ZNF385D: variants seen among roughly 807,000 people sequenced by gnomAD.
The protein encoded by ZNF385D is zinc finger protein 659.
A neutral mutation model predicts 35.8 loss-of-function variants in ZNF385D; 15 were observed. The ratio of observed to expected loss-of-function variants is 0.42; its 90% CI spans 0.28 to 0.64. The LOEUF is 0.64. Ranked by LOEUF, ZNF385D falls within the 30% of genes least tolerant of loss-of-function variation. ZNF385D has a pLI of 0.23. For synonymous variants in ZNF385D, 212 were observed against 186.8 expected (o/e 1.13, Z -1.10); for missense variants, 474 against 494.6 (o/e 0.96, Z 0.39).
chr3:21,616,896 T>A lies in ZNF385D; in HGVS notation c.165+47990A>T, dbSNP rs557760123. Among the ~76,000 whole-genome samples, 125 of 152,336 alleles carry A rather than the reference T, an allele frequency of 8.2e-4. No individual in the cohort carries two copies. In the South Asian group the frequency reaches 0.025, roughly 31 times the overall value. On this transcript the variant is annotated intron_variant, in intron 2 of 7. Transcript: ENST00000281523. ...ATTGTCATCACTTATGAAAATGCAATAGAGTTCTTTATAGCTGCAAATACC... is the reference window on the plus strand; with the variant it reads ...ATTGTCATCACTTATGAAAATGCAAAAGAGTTCTTTATAGCTGCAAATACC...
chr3:22,238,333 G>A (rs1239578590), intron 2 of ZNF385D, among the ~76,000 whole-genome samples: 2 of 150,914 alleles, frequency 1.3e-5, no homozygotes, highest in Admixed American at 6.6e-5. Context: ...AGATTAGCTT[G>A]TCCATTTCTC....
At chr3:22,065,196 T>C (rs1172162445) in intron 3 of ZNF385D, among the ~76,000 whole-genome samples, 1 of 152,172 alleles carries the variant, frequency 6.6e-6, no homozygotes, top group Non-Finnish European at 1.5e-5. Context: ...GAGTGTTGTG[T>C]GGCTATTCTC....
At chr3:22,136,379 C>G (rs1263955663) in intron 3 of ZNF385D, among the ~76,000 whole-genome samples, 1 of 104,014 alleles carries the variant, frequency 9.6e-6, no homozygotes, top group Non-Finnish European at 2.1e-5. Flanking sequence ...CAAAGTGAGA[C>G]TTTGTCTAAA....
intron 2 of ZNF385D, among the ~76,000 whole-genome samples, chr3:22,292,672 A>T (rs1286300078): frequency 6.6e-6 from 1 of 152,162 alleles, no homozygotes; most frequent in Non-Finnish European, 1.5e-5. Context: ...TACAAATGTG[A>T]TAGTGGCATG....
intron 2 of ZNF385D, among the ~76,000 whole-genome samples, chr3:21,655,991 A>G (rs917884822): frequency 6.6e-6 from 1 of 152,018 alleles, no homozygotes; most frequent in African/African-American, 2.4e-5. Context: ...TTCCTATTAA[A>G]AAAGGCAATA....
intron 2 of ZNF385D, among the ~76,000 whole-genome samples, chr3:22,209,276 AT>A (rs1697362754): frequency 6.6e-6 from 1 of 151,964 alleles, no homozygotes; most frequent in African/African-American, 2.4e-5. Context: ...AAATGTTCCT[AT>A]TCATGTTTAG....
intron 3 of ZNF385D, among the ~76,000 whole-genome samples, chr3:22,139,334 T>C (rs1704349596): frequency 6.6e-6 from 1 of 152,224 alleles, no homozygotes; most frequent in Non-Finnish European, 1.5e-5. Context: ...AATGCGGCAG[T>C]ATTCACAATA....
intron 3 of ZNF385D, among the ~76,000 whole-genome samples, chr3:22,123,986 A>ATATATATATG (rs753742081): frequency 0.017 from 2,013 of 121,632 alleles, 40 homozygotes; most frequent in Non-Finnish European, 0.024. Flanking sequence ...ATATATATAT[A>ATATATATATG]TATTGCTGAC....
At chr3:21,932,562 T>C (rs1265468864) in intron 3 of ZNF385D, among the ~76,000 whole-genome samples, 1 of 152,008 alleles carries the variant, frequency 6.6e-6, no homozygotes, top group African/African-American at 2.4e-5. Flanking sequence ...TGCAGTTACT[T>C]TATGTGGCTG....
chr3:21,630,388 A>G (rs528254587), intron 2 of ZNF385D, among the ~76,000 whole-genome samples: 2 of 152,126 alleles, frequency 1.3e-5, no homozygotes, highest in South Asian at 4.1e-4. Flanking sequence ...TATTTTTAGT[A>G]GAGACGGGGT....
chr3:22,064,056 C>CACCT (rs1417988079), intron 3 of ZNF385D, among the ~76,000 whole-genome samples: 1 of 152,188 alleles, frequency 6.6e-6, no homozygotes, highest in Non-Finnish European at 1.5e-5. Context: ...TATTGTAGTG[C>CACCT]ACCTCATGCT....
Position 21,545,716 on chromosome 3 carries a change from T to TA in ZNF385D, c.276+18857dup, listed in dbSNP as rs1394989173. On this transcript the variant is annotated intron_variant, in intron 3 of 7. Coordinates refer to ENST00000281523, the MANE Select transcript of ZNF385D (RefSeq NM_024697.3). The stretch of plus-strand genomic sequence containing the variant: ...TCCCTATAAGGAGTCAAGTTCGACT[T>TA]ACAGAGCCGATAAAAGCTCCATGGG... Among the ~76,000 whole-genome samples the TA allele has an allele frequency of 3.9e-5, 6 of 152,296 alleles. No individual in the cohort carries two copies. In the South Asian group the frequency reaches 6.2e-4, roughly 16 times the overall value.
At chr3:21,841,903 TAC>T (rs1184206738) in intron 3 of ZNF385D, among the ~76,000 whole-genome samples, 3 of 151,626 alleles carry the variant, frequency 2.0e-5, no homozygotes, top group African/African-American at 7.3e-5. Flanking sequence ...GCCTCAGAAA[TAC>T]ATACATATAT....
At chr3:22,281,370 G>A (rs1701731362) in intron 2 of ZNF385D, among the ~76,000 whole-genome samples, 1 of 152,044 alleles carries the variant, frequency 6.6e-6, no homozygotes, top group Admixed American at 6.6e-5. Flanking sequence ...TGGGCTATGG[G>A]TTTGTAATAC....
chr3:22,221,385 C>A (rs772354605), intron 2 of ZNF385D, among the ~76,000 whole-genome samples: 1 of 151,562 alleles, frequency 6.6e-6, no homozygotes, highest in Non-Finnish European at 1.5e-5. Flanking sequence ...GCATATATAC[C>A]CCCCCACCTC....
At chr3:21,835,638 C>A (rs531636851) in intron 3 of ZNF385D, among the ~76,000 whole-genome samples, 3 of 151,854 alleles carry the variant, frequency 2.0e-5, no homozygotes, top group East Asian at 3.9e-4. Flanking sequence ...AGGCATGTAG[C>A]CTAAAAGAGG....
chr3:21,462,463 G>A (rs1026002024), intron 4 of ZNF385D, among the ~76,000 whole-genome samples: 3 of 152,120 alleles, frequency 2.0e-5, no homozygotes, highest in Non-Finnish European at 2.9e-5. Flanking sequence ...TAGCTAAATA[G>A]GTAGGCAGGT....
At chr3:21,431,632 G>T (rs1701297270) in intron 5 of ZNF385D, among the ~76,000 whole-genome samples, 1 of 152,116 alleles carries the variant, frequency 6.6e-6, no homozygotes, top group Non-Finnish European at 1.5e-5. Context: ...GCCCTGTATG[G>T]CCATGTGGAG....
intron 3 of ZNF385D, among the ~76,000 whole-genome samples, chr3:21,921,280 A>T (rs1256735217): frequency 6.6e-6 from 1 of 151,866 alleles, no homozygotes; most frequent in Non-Finnish European, 1.5e-5. Context: ...TGGCATATTT[A>T]ACCACACTCC....
Sources: allele counts gnomAD v4.1 joint callset (sites outside exome capture counted in the v4.1 genomes callset), GRCh38; gene constraint gnomAD v4.1.1; transcripts MANE v1.5; gene names NCBI Gene and HGNC (gene_info 2026-07-23, HGNC 2026-07-21).